Variants in PDE10A observed in about 807,000 individuals in gnomAD.
PDE10A encodes the protein cAMP and cAMP-inhibited cGMP 3',5'-cyclic phosphodiesterase 10A.
A neutral mutation model predicts 97.7 loss-of-function variants in PDE10A; 39 were observed. That is an observed-to-expected ratio of 0.40 (90% CI 0.31 to 0.52). The LOEUF (loss-of-function observed/expected upper bound fraction) is 0.52, where lower values mean the gene tolerates loss of function less well. Ranked by LOEUF, PDE10A falls within the 20% of genes least tolerant of loss-of-function variation. The probability of loss-of-function intolerance (pLI) is 0.56; values close to 1 mark genes in which losing one functional copy is unlikely to be tolerated. For synonymous variants in PDE10A, 371 were observed against 376.8 expected (o/e 0.98, Z 0.18); for missense variants, 731 against 1,047.8 (o/e 0.70, Z 4.17).
rs147617249 is a variant in PDE10A, at chr6:165,392,709, G to A, written c.2391C>T (p.Val797=). ...TGGCATACATGCAGTGTGCTACAGT[G>A]ACCGCATGCTTCCAGTTGTGATAAG... ...RVPYHNWKHA[V]TVAHCMYAIL... The change falls in exon 16 of 22, where the codon GTC becomes GTT. Residue 797 remains valine, a synonymous_variant. Transcript: ENST00000539869. 3.6e-4 allele frequency: 576 copies of A among 1,613,730 alleles called. No individual in the cohort carries two copies. Among genetic ancestry groups the A allele is most frequent in the Non-Finnish European group, 4.5e-4 (531 of 1,179,704 alleles).
intron 1 of PDE10A, among the ~76,000 whole-genome samples, chr6:165,867,527 G>C (rs1004878811): frequency 1.6e-4 from 24 of 152,112 alleles, no homozygotes; most frequent in African/African-American, 5.8e-4. Flanking sequence ...CCTGATATAT[G>C]AAGCCATTAT....
intron 2 of PDE10A, among the ~76,000 whole-genome samples, chr6:165,498,426 A>C (rs1227152027): frequency 2.5e-5 from 1 of 39,920 alleles, no homozygotes; most frequent in Admixed American, 2.4e-4. Context: ...CTGTCTCCAA[A>C]AAAAAAAAAA....
chr6:165,622,638 GTGATTGTGTATGTAGACA>G (rs1039086395), intron 1 of PDE10A, among the ~76,000 whole-genome samples: 1 of 152,188 alleles, frequency 6.6e-6, no homozygotes, highest in African/African-American at 2.4e-5. Flanking sequence ...TATATAGTGG[GTGATTGTGTATGTAGACA>G]TGCACACACA....
At chr6:165,374,922 T>C (rs533883610) in intron 18 of PDE10A, among the ~76,000 whole-genome samples, 1 of 152,266 alleles carries the variant, frequency 6.6e-6, no homozygotes, top group East Asian at 1.9e-4. Flanking sequence ...GTCACAGTGA[T>C]CTATGATCAG....
chr6:165,701,693 G>T (rs1192450797), intron 1 of PDE10A, among the ~76,000 whole-genome samples: 8 of 151,466 alleles, frequency 5.3e-5, no homozygotes, highest in Non-Finnish European at 1.2e-4. Flanking sequence ...GCATGTAAGT[G>T]TGTTTGCATG....
At chr6:165,798,601 T>A (rs889935803) in intron 1 of PDE10A, among the ~76,000 whole-genome samples, 1 of 152,108 alleles carries the variant, frequency 6.6e-6, no homozygotes, top group Non-Finnish European at 1.5e-5. Flanking sequence ...ATCTTGAATG[T>A]CCCACCAAGA....
chr6:165,361,358 C>A (rs924414031), intron 18 of PDE10A, among the ~76,000 whole-genome samples: 1 of 152,140 alleles, frequency 6.6e-6, no homozygotes, highest in Admixed American at 6.5e-5. Flanking sequence ...AAAGTATGTT[C>A]TTTGACCACA....
chr6:165,604,123 C>T (rs531000124), intron 1 of PDE10A, among the ~76,000 whole-genome samples: 2 of 152,282 alleles, frequency 1.3e-5, no homozygotes, highest in African/African-American at 4.8e-5. Flanking sequence ...CATCCTAACA[C>T]CCATTTCTTC....
At chr6:165,474,539 T>C (rs918680063) in intron 3 of PDE10A, among the ~76,000 whole-genome samples, 3 of 152,158 alleles carry the variant, frequency 2.0e-5, no homozygotes, top group Non-Finnish European at 4.4e-5. Flanking sequence ...TACCATCGAG[T>C]ATTATGCTTA....
intron 1 of PDE10A, among the ~76,000 whole-genome samples, chr6:165,832,728 C>T (rs1412045576): frequency 3.3e-5 from 5 of 152,232 alleles, no homozygotes; most frequent in Non-Finnish European, 5.9e-5. Context: ...ATGACTGATA[C>T]ACTTAATTCT....
At chr6:165,928,984 A>G (rs1327808394) in intron 1 of PDE10A, among the ~76,000 whole-genome samples, 3 of 152,140 alleles carry the variant, frequency 2.0e-5, no homozygotes, top group African/African-American at 7.2e-5. Flanking sequence ...TCTCCTTTCT[A>G]TCTGAGCTCT....
At chr6:165,815,070 C>T (rs1779373657) in intron 1 of PDE10A, among the ~76,000 whole-genome samples, 1 of 152,130 alleles carries the variant, frequency 6.6e-6, no homozygotes, top group African/African-American at 2.4e-5. Flanking sequence ...TCAAACAAAG[C>T]AATAAACACT....
At chr6:165,384,705 C>G in intron 17 of PDE10A, among the ~76,000 whole-genome samples, 1 of 147,420 alleles carries the variant, frequency 6.8e-6, no homozygotes, top group Non-Finnish European at 1.5e-5. Flanking sequence ...CTTTTCAAGT[C>G]TATTGTATTA....
intron 2 of PDE10A, among the ~76,000 whole-genome samples, chr6:165,540,493 TTCTA>T (rs1177897317): frequency 1.3e-5 from 2 of 152,164 alleles, no homozygotes; most frequent in Non-Finnish European, 2.9e-5. Flanking sequence ...CTCCAATATC[TTCTA>T]TCTGCCACAG....
At chr6:165,342,298 C>T (rs1192109445) in intron 19 of PDE10A, among the ~76,000 whole-genome samples, 1 of 152,120 alleles carries the variant, frequency 6.6e-6, no homozygotes, top group African/African-American at 2.4e-5. Flanking sequence ...ACAGTTCAAA[C>T]CCGTGTTGTT....
At chr6:165,976,661 C>A (rs899140182) in intron 1 of PDE10A, among the ~76,000 whole-genome samples, 1 of 152,174 alleles carries the variant, frequency 6.6e-6, no homozygotes, top group Non-Finnish European at 1.5e-5. Flanking sequence ...AAACTCAGAC[C>A]CTTCACGGGT....
intron 17 of PDE10A, among the ~76,000 whole-genome samples, chr6:165,385,981 TTAA>T (rs555903679): frequency 1.1e-3 from 171 of 152,328 alleles, no homozygotes; most frequent in African/African-American, 4.0e-3. Context: ...GTCATTATTA[TTAA>T]TTCACCAATG....
At chr6:165,935,122 A>G (rs886691166) in intron 1 of PDE10A, among the ~76,000 whole-genome samples, 1 of 152,222 alleles carries the variant, frequency 6.6e-6, no homozygotes, top group Admixed American at 6.5e-5. Context: ...TACAGTATGG[A>G]AAGAGCCCAC....
intron 2 of PDE10A, among the ~76,000 whole-genome samples, chr6:165,542,971 G>A (rs1212149138): frequency 6.6e-6 from 1 of 152,134 alleles, no homozygotes; most frequent in East Asian, 1.9e-4. Flanking sequence ...TCTAGAGTCT[G>A]AGTGTGAATG....
Sources: allele counts gnomAD v4.1 joint callset (sites outside exome capture counted in the v4.1 genomes callset), GRCh38; gene constraint gnomAD v4.1.1; transcripts MANE v1.5; gene names NCBI Gene and HGNC (gene_info 2026-07-23, HGNC 2026-07-21).